The following MAF variants were observed in gnomAD, a reference collection of about 807,000 sequenced individuals.
The protein encoded by MAF is MAF bZIP transcription factor, also known as transcription factor Maf.
A neutral mutation model predicts 22.0 loss-of-function variants in MAF; 10 were observed. The observed-to-expected ratio is 0.45, with a 90% confidence interval of 0.28 to 0.77. The LOEUF (loss-of-function observed/expected upper bound fraction) is 0.77, where lower values mean the gene tolerates loss of function less well. Ranked by LOEUF, MAF falls within the 30% of genes least tolerant of loss-of-function variation. The pLI is 0.12. For synonymous variants in MAF, 337 were observed against 255.8 expected (o/e 1.32, Z -3.03); for missense variants, 544 against 548.4 (o/e 0.99, Z 0.08).
the MAF span, among the ~76,000 whole-genome samples, chr16:79,391,119 G>C: frequency 6.6e-6 from 1 of 152,124 alleles, no homozygotes; most frequent in South Asian, 2.1e-4. Flanking sequence ...ACATTGCTCA[G>C]AACCCAGCCT....
chr16:79,208,803 TTAAGA>T, the MAF span, among the ~76,000 whole-genome samples: 2 of 152,174 alleles, frequency 1.3e-5, no homozygotes, highest in African/African-American at 4.8e-5. Context: ...TCTGATCATA[TTAAGA>T]TGTCACTCAG....
At chr16:79,417,769 C>T in the MAF span, among the ~76,000 whole-genome samples, 6 of 152,252 alleles carry the variant, frequency 3.9e-5, no homozygotes, top group Non-Finnish European at 5.9e-5. Flanking sequence ...GTTTTGTTTA[C>T]AGCTTTTGGA....
the MAF span, among the ~76,000 whole-genome samples, chr16:79,228,440 C>A: frequency 6.6e-6 from 1 of 152,044 alleles, no homozygotes; most frequent in East Asian, 1.9e-4. Flanking sequence ...CCTGCTCTGA[C>A]TTTAATCCCA....
chr16:79,268,137 C>A, the MAF span, among the ~76,000 whole-genome samples: 1 of 152,120 alleles, frequency 6.6e-6, no homozygotes, highest in African/African-American at 2.4e-5. Flanking sequence ...AGAGTGGCCT[C>A]GTTGCTTCTG....
the MAF span, among the ~76,000 whole-genome samples, chr16:79,550,670 G>A: frequency 1.3e-5 from 2 of 152,130 alleles, no homozygotes; most frequent in Non-Finnish European, 2.9e-5. Flanking sequence ...CACTGCCTTT[G>A]TCCATCTCAC....
the MAF span, among the ~76,000 whole-genome samples, chr16:79,391,306 GT>G: frequency 6.6e-6 from 1 of 152,260 alleles, no homozygotes; most frequent in Non-Finnish European, 1.5e-5. Context: ...TTTAGAAAAT[GT>G]TCACTTAGTT....
chr16:79,336,350 T>G, the MAF span, among the ~76,000 whole-genome samples: 1 of 152,164 alleles, frequency 6.6e-6, no homozygotes, highest in African/African-American at 2.4e-5. Flanking sequence ...GCACAGAAAG[T>G]TTAAGCAACT....
the MAF span, among the ~76,000 whole-genome samples, chr16:79,352,268 T>G: frequency 1.3e-5 from 2 of 152,208 alleles, no homozygotes; most frequent in African/African-American, 2.4e-5. Context: ...TTTACCTGTT[T>G]CTGTCAATGC....
chr16:79,437,257 C>T, the MAF span, among the ~76,000 whole-genome samples: 2 of 152,010 alleles, frequency 1.3e-5, no homozygotes, highest in South Asian at 4.2e-4. Context: ...CTGTCATCTT[C>T]GCTTGTGTTG....
chr16:79,552,842 G>A, the MAF span, among the ~76,000 whole-genome samples: 5 of 152,162 alleles, frequency 3.3e-5, no homozygotes, highest in Non-Finnish European at 5.9e-5. Flanking sequence ...CTTGGTAAAT[G>A]TTGACACATG....
the MAF span, among the ~76,000 whole-genome samples, chr16:79,342,887 C>A: frequency 2.2e-4 from 33 of 152,208 alleles, no homozygotes; most frequent in South Asian, 6.6e-3. Context: ...GGGTTCTAGG[C>A]CTCCAAAGCG....
the MAF span, among the ~76,000 whole-genome samples, chr16:79,570,520 T>A: frequency 1.3e-5 from 2 of 152,226 alleles, no homozygotes; most frequent in African/African-American, 4.8e-5. Context: ...TCTGCTTAGT[T>A]TGTGCTTACC....
chr16:79,246,539 T>TG, the MAF span, among the ~76,000 whole-genome samples: 62 of 57,272 alleles, frequency 1.1e-3, 1 homozygote, highest in African/African-American at 4.3e-3. Flanking sequence ...CAGGTTTTTT[T>TG]TGGGGGGGGT....
At chr16:79,346,234 T>A in the MAF span, among the ~76,000 whole-genome samples, 5 of 143,156 alleles carry the variant, frequency 3.5e-5, no homozygotes, top group Non-Finnish European at 7.5e-5. Context: ...TGTGTCCAAG[T>A]GTTCTCACTG....
the MAF span, among the ~76,000 whole-genome samples, chr16:79,216,706 G>C: frequency 6.6e-6 from 1 of 152,022 alleles, no homozygotes; most frequent in Non-Finnish European, 1.5e-5. Context: ...AACTTACTAT[G>C]GGTTTAGACG....
chr16:79,360,869 C>G, the MAF span, among the ~76,000 whole-genome samples: 1 of 152,136 alleles, frequency 6.6e-6, no homozygotes, highest in South Asian at 2.1e-4. Context: ...TGGAGTTGCT[C>G]CTGCCATGAA....
At chr16:79,335,858 C>T in the MAF span, among the ~76,000 whole-genome samples, 5,804 of 152,166 alleles carry the variant, frequency 0.038, 235 homozygotes, top group African/African-American at 0.1. Flanking sequence ...GAGGCAGGGG[C>T]GAAGAGACAG....
chr16:79,244,644 A>G, the MAF span, among the ~76,000 whole-genome samples: 2 of 152,158 alleles, frequency 1.3e-5, no homozygotes, highest in African/African-American at 4.8e-5. Flanking sequence ...CATAGTGCCA[A>G]AAGTAATTTA....
At chr16:79,462,588 C>T in the MAF span, among the ~76,000 whole-genome samples, 1 of 151,542 alleles carries the variant, frequency 6.6e-6, no homozygotes, top group Admixed American at 6.6e-5. Flanking sequence ...TGCACACACA[C>T]ACAAATACAT....
Sources: gnomAD v4.1 joint callset for allele counts (sites outside exome capture counted in the v4.1 genomes callset) on GRCh38, gnomAD v4.1.1 for gene constraint, MANE v1.5 for transcripts, NCBI Gene and HGNC (gene_info 2026-07-23, HGNC 2026-07-21) for gene names.